The following NFIB variants were observed in gnomAD, a reference collection of about 807,000 sequenced individuals.
The protein encoded by NFIB is nuclear factor 1 B-type.
NFIB carries 11 observed loss-of-function variants against 61.5 expected under a neutral mutation model. That is an observed-to-expected ratio of 0.18 (90% confidence interval 0.11 to 0.30). The LOEUF (loss-of-function observed/expected upper bound fraction) is 0.30, where lower values mean the gene tolerates loss of function less well. Among genes scored for constraint, NFIB ranks in the 10% least tolerant of loss-of-function variants. NFIB has a pLI of 1.00. For synonymous variants in NFIB, 260 were observed against 216.5 expected, an observed-to-expected ratio of 1.20 and a Z score of -1.76; for missense variants, 471 against 608.9, an observed-to-expected ratio of 0.77 and a Z score of 2.38.
At chr9:14,464,938 G>A in the NFIB span, among the ~76,000 whole-genome samples, 1 of 152,134 alleles carries the variant, frequency 6.6e-6, no homozygotes, top group Admixed American at 6.5e-5. Flanking sequence ...CTGTCATGTG[G>A]AATGTACTCA....
intron 2 of NFIB, among the ~76,000 whole-genome samples, chr9:14,255,342 C>T (rs534513137): frequency 2.0e-5 from 3 of 152,308 alleles, no homozygotes; most frequent in African/African-American, 7.2e-5. Flanking sequence ...ACTTGTGTCT[C>T]TAACAGATTA....
chr9:14,482,462 C>T, the NFIB span, among the ~76,000 whole-genome samples: 2 of 152,186 alleles, frequency 1.3e-5, no homozygotes, highest in African/African-American at 4.8e-5. Context: ...CACCCCCTCA[C>T]CATGTTCTTA....
chr9:14,155,944 T>C, intron 3 of NFIB, 51 bp from the exon 4 acceptor site: 1 of 1,128,770 alleles, frequency 8.9e-7, no homozygotes, highest in Non-Finnish European at 1.3e-6. Flanking sequence ...GAAAGTAAAA[T>C]AAATGATTAT....
rs759884057 is a variant in NFIB at position 14,082,226 on chromosome 9, T to A, written c.*6083A>T. 4.9e-6 allele frequency: 1 copy of A among 204,136 alleles called. No individual in the cohort carries two copies. The highest frequency in any genetic ancestry group is 1.0e-5 in the Non-Finnish European group (1 of 99,384). The allele number at this position is 204,136 out of a possible 1,614,324, so 12.6% of individuals were successfully genotyped here. ...TGCCTCCTTTTGTAAAAAAATTTAA[T>A]TAAAATACAAGGTTCTGTATTTATG... On this transcript the variant is annotated 3_prime_UTR_variant, in exon 11 of 11. Coordinates refer to ENST00000380953, the MANE Select transcript of NFIB (RefSeq NM_001190737.2).
intron 1 of NFIB, among the ~76,000 whole-genome samples, chr9:14,394,557 A>G (rs2061660599): frequency 6.6e-6 from 1 of 152,182 alleles, no homozygotes; most frequent in Admixed American, 6.5e-5. Context: ...TCACTACCAT[A>G]AGAACAGTAT....
rs1054067173 is a variant in NFIB, at chr9:14,165,329, G to A, written c.617-9436C>T. 1.4e-4 allele frequency among the ~76,000 whole-genome samples: 22 copies of A among 152,156 alleles called. No individual in the cohort carries two copies. In the East Asian group the frequency reaches 2.1e-3, roughly 15 times the overall value. On this transcript the variant is annotated intron_variant, in intron 3 of 10. Transcript: ENST00000380953. ...ACCTAAATTTGTAGCCTCTCTCATC[G>A]AAACAAAACAATGAACCAACCAATG...
chr9:14,514,866 A>T, the NFIB span, among the ~76,000 whole-genome samples: 1 of 152,122 alleles, frequency 6.6e-6, no homozygotes, highest in African/African-American at 2.4e-5. Context: ...GATTTGAAAG[A>T]CTTGGGCATC....
chr9:14,235,905 A>G (rs1388224370), intron 2 of NFIB, among the ~76,000 whole-genome samples: 2 of 152,200 alleles, frequency 1.3e-5, no homozygotes, highest in African/African-American at 4.8e-5. Flanking sequence ...TAACACAATT[A>G]CTACTGCAAG....
At chr9:14,432,627 G>C in the NFIB span, among the ~76,000 whole-genome samples, 6 of 152,226 alleles carry the variant, frequency 3.9e-5, no homozygotes, top group Non-Finnish European at 8.8e-5. Flanking sequence ...AGGACTTGCA[G>C]ACTTGAGGCA....
intron 1 of NFIB, among the ~76,000 whole-genome samples, chr9:14,367,708 A>T (rs978292293): frequency 6.6e-6 from 1 of 152,108 alleles, no homozygotes; most frequent in Non-Finnish European, 1.5e-5. Flanking sequence ...CATAAAAAAG[A>T]ATGAGTTCAT....
At chr9:14,469,299 T>A in the NFIB span, among the ~76,000 whole-genome samples, 2 of 152,180 alleles carry the variant, frequency 1.3e-5, no homozygotes, top group East Asian at 1.9e-4. Context: ...GAAGATGACA[T>A]GGGATACTGA....
chr9:14,427,937 G>GTTGTTTTTTTTTTT, the NFIB span, among the ~76,000 whole-genome samples: 4 of 43,420 alleles, frequency 9.2e-5, no homozygotes, highest in Non-Finnish European at 8.7e-5. Context: ...TAATTCAGTT[G>GTTGTTTTTTTTTTT]TTTTTTTTTT....
chr9:14,158,110 CA>C (rs372875773), intron 3 of NFIB, among the ~76,000 whole-genome samples: 104 of 64,364 alleles, frequency 1.6e-3, no homozygotes, highest in Middle Eastern at 0.01. Flanking sequence ...GACTCCATCT[CA>C]AAAAAAAAAA....
chr9:14,182,466 C>G (rs1475186242), intron 2 of NFIB, among the ~76,000 whole-genome samples: 2 of 152,082 alleles, frequency 1.3e-5, no homozygotes, highest in Non-Finnish European at 2.9e-5. Flanking sequence ...CTTATGTCAC[C>G]TTATATCGGT....
intron 9 of NFIB, among the ~76,000 whole-genome samples, chr9:14,113,964 C>A (rs1321996658): frequency 6.6e-6 from 1 of 152,158 alleles, no homozygotes; most frequent in Non-Finnish European, 1.5e-5. Flanking sequence ...AAGGAAAGGA[C>A]TGAGGTATCT....
At chr9:14,316,653 G>A (rs2060548332), upstream of NFIB, among the ~76,000 whole-genome samples, 1 of 152,088 alleles carries the variant, frequency 6.6e-6, no homozygotes. Flanking sequence ...GAAATTTTAG[G>A]CAACCTCATC....
rs1204890281 is a variant in NFIB, at chr9:14,231,133, AAAATATATAT to A, written c.563-51363_563-51354del. 4.8e-3 allele frequency among the ~76,000 whole-genome samples: 321 copies of A among 67,212 alleles called. 4 individuals are homozygous for A. The highest frequency in any genetic ancestry group is 0.017 in the East Asian group (24 of 1,410). The allele number at this position is 67,212 out of a possible 152,430, so 44.1% of individuals were successfully genotyped here. On this transcript the variant is annotated intron_variant, in intron 2 of 10. Transcript: ENST00000380953. ...TTTTTCCATGGGGAAAAAAAAAAAA[AAAATATATAT>A]ATATATATATATATATATATATATT...
chr9:14,181,024 G>A (rs748310064), intron 2 of NFIB, among the ~76,000 whole-genome samples: 1 of 152,158 alleles, frequency 6.6e-6, no homozygotes, highest in Admixed American at 6.5e-5. Context: ...GGTTAAGCAG[G>A]AAAATCATAT....
At chr9:14,253,305 T>C (rs528853528) in intron 2 of NFIB, among the ~76,000 whole-genome samples, 2 of 152,198 alleles carry the variant, frequency 1.3e-5, no homozygotes, top group Non-Finnish European at 2.9e-5. Context: ...ACTTGCTAGA[T>C]ACAAGTTCTC....
Sources: gnomAD v4.1 joint callset for allele counts (sites outside exome capture counted in the v4.1 genomes callset) on GRCh38, gnomAD v4.1.1 for gene constraint, MANE v1.5 for transcripts, NCBI Gene and HGNC (gene_info 2026-07-23, HGNC 2026-07-21) for gene names.